The following IQCE variants were observed in gnomAD, a reference collection of about 807,000 sequenced individuals.
The protein encoded by IQCE is IQ motif containing E.
In IQCE, 115 loss-of-function variants were observed where a neutral mutation model predicts 96.0. The observed-to-expected ratio is 1.20, with a 90% CI of 1.03 to 1.40. IQCE has a LOEUF of 1.40. IQCE is among the 40% of genes most tolerant of loss of function. IQCE has a pLI of 0.00. For synonymous variants in IQCE, 412 were observed against 371.2 expected, an observed-to-expected ratio of 1.11 and a Z score of -1.26; for missense variants, 1,041 against 909.1, an observed-to-expected ratio of 1.15 and a Z score of -1.87.
intron 8 of IQCE, among the ~76,000 whole-genome samples, chr7:2,579,794 C>T (rs1225757335): frequency 2.7e-5 from 4 of 150,890 alleles, no homozygotes; most frequent in African/African-American, 9.8e-5. Context: ...CCCAGGCTGG[C>T]GTGCAGTGGC....
Position 2,568,965 on chromosome 7 carries a change from G to A in IQCE, c.96G>A (p.Arg32=). The A allele has an allele frequency of 6.2e-7, 1 of 1,613,544 alleles. No individual in the cohort carries two copies. Among genetic ancestry groups the A allele is most frequent in the South Asian group, 1.1e-5 (1 of 91,084 alleles). ...FDSDVETKAK[R]KAFHKPPPTS... ...CTTCTTTCTTTCAGAAAGCAAAAAG[G>A]AAAGCTTTCCACAAACCTCCACCCA... The change falls in exon 3 of 22, where the codon AGG becomes AGA. Residue 32 remains arginine (R), a synonymous_variant. Transcript: ENST00000402050.
intron 17 of IQCE, among the ~76,000 whole-genome samples, 192 bp from the exon 18 acceptor site, chr7:2,601,249 T>G (rs1241376113): frequency 1.3e-5 from 2 of 152,138 alleles, no homozygotes; most frequent in Non-Finnish European, 2.9e-5. Context: ...CCATCCTAAT[T>G]CTGCCTCTCA....
Position 2,572,342 on chromosome 7 carries a change from G to A in IQCE, c.394+16G>A. On this transcript the variant is annotated intron_variant, in intron 5 of 21. Transcript: ENST00000402050. ...GCCAGCAACGGTGAGCATGCCGATG[G>A]TGGCGAGGCTGAGGCCAAGGAAGAG... 1 of 1,612,576 alleles carries A rather than the reference G, an allele frequency of 6.2e-7. No homozygotes were observed. Among genetic ancestry groups the A allele is most frequent in the Non-Finnish European group, 8.5e-7 (1 of 1,179,216 alleles).
intron 20 of IQCE, 129 bp from the exon 21 acceptor site, chr7:2,606,995 G>A: frequency 8.6e-6 from 7 of 818,258 alleles, no homozygotes; most frequent in Admixed American, 6.3e-5. Context: ...CGTGGGGCTC[G>A]GGACTGGCTC....
chr7:2,575,739 T>C (rs1252126250), intron 6 of IQCE, among the ~76,000 whole-genome samples: 1 of 152,210 alleles, frequency 6.6e-6, no homozygotes, highest in Non-Finnish European at 1.5e-5. Context: ...CGTGGGTTTT[T>C]ATGGTCTGCA....
At chr7:2,596,191 G>A (rs1391296423) in intron 16 of IQCE, among the ~76,000 whole-genome samples, 1 of 152,112 alleles carries the variant, frequency 6.6e-6, no homozygotes, top group African/African-American at 2.4e-5. Flanking sequence ...CCCAGGAGGT[G>A]GAGGCTGCAG....
chr7:2,574,260 G>C (rs573920480), intron 6 of IQCE, among the ~76,000 whole-genome samples: 1 of 152,248 alleles, frequency 6.6e-6, no homozygotes, highest in Non-Finnish European at 1.5e-5. Flanking sequence ...ACTGCGTTCA[G>C]TTGGGGCACC....
Position 2,614,302 on chromosome 7 carries a change from CCTT to C in IQCE, c.*4141_*4143del, listed in dbSNP as rs1335771631. ...CCGTCTAAACGATTGCAAAATTCCTCCTTTGGTTTTGGAAGCAGCGTTTGCTCT... is the reference window on the plus strand; with the variant it reads ...CCGTCTAAACGATTGCAAAATTCCTCTGGTTTTGGAAGCAGCGTTTGCTCT... On this transcript the variant is annotated 3_prime_UTR_variant, in exon 22 of 22. Coordinates refer to ENST00000402050, the MANE Select transcript of IQCE (RefSeq NM_152558.5). The C allele has an allele frequency of 6.6e-6, 1 of 152,224 alleles. No individual in the cohort carries two copies. Among genetic ancestry groups the C allele is most frequent in the Non-Finnish European group, 1.5e-5 (1 of 68,052 alleles). The allele number at this position is 152,224 out of a possible 1,614,324, so 9.4% of individuals were successfully genotyped here.
Position 2,571,667 on chromosome 7 carries a change from C to A in IQCE, c.259+13C>A. 1.3e-6 allele frequency: 2 copies of A among 1,596,736 alleles called. No homozygotes were observed. Among genetic ancestry groups the A allele is most frequent in the South Asian group, 1.1e-5 (1 of 90,904 alleles). ...ACCGCAAAGCCAGGTATGTGGTTGT[C>A]GCACTGGAGACCCTTCCTGCTTGAG... On this transcript the variant is annotated intron_variant, in intron 4 of 21. Coordinates refer to ENST00000402050, the MANE Select transcript of IQCE (RefSeq NM_152558.5).
chr7:2,607,338 G>A, intron 21 of IQCE, 111 bp downstream of exon 21: 1 of 1,495,902 alleles, frequency 6.7e-7, no homozygotes, highest in Non-Finnish European at 8.9e-7. Flanking sequence ...GAAGGGAGGA[G>A]TGTCCCATCT....
At chr7:2,608,771 G>A (rs1431997076) in intron 21 of IQCE, among the ~76,000 whole-genome samples, 1 of 152,206 alleles carries the variant, frequency 6.6e-6, no homozygotes, top group South Asian at 2.1e-4. Flanking sequence ...GTTCATCCCC[G>A]TGACCCAGGG....
chr7:2,610,656 C>T lies in IQCE; in HGVS notation c.*494C>T, dbSNP rs1785065175. 2 of 160,826 alleles carry T rather than the reference C, an allele frequency of 1.2e-5. No homozygotes were observed. Among genetic ancestry groups the T allele is most frequent in the African/African-American group, 4.8e-5 (2 of 41,558 alleles). The allele number at this position is 160,826 out of a possible 1,614,324, so 10.0% of individuals were successfully genotyped here. The stretch of plus-strand genomic sequence containing the variant: ...TTAGGAAGGTGTGAGACCGGCTTCC[C>T]CCATCCCCACAGCAAAACACGGCCT... On this transcript the variant is annotated 3_prime_UTR_variant, in exon 22 of 22. Transcript: ENST00000402050.
rs140066878 is a variant in IQCE at position 2,596,314 on chromosome 7, GGA to G, written c.1440+1359_1440+1360del. 4.0e-3 allele frequency among the ~76,000 whole-genome samples: 587 copies of G among 147,936 alleles called. 3 individuals carry two copies. Among genetic ancestry groups the G allele is most frequent in the Middle Eastern group, 0.014 (4 of 282 alleles). ...GAAAAGAAAAAGGTCTGAAAATAGA[GGA>G]GAGAGAGAGAGAGAGAGAGAAAACA... On this transcript the variant is annotated intron_variant, in intron 16 of 21. Coordinates refer to ENST00000402050, the MANE Select transcript of IQCE (RefSeq NM_152558.5).
intron 14 of IQCE, 95 bp from the exon 15 acceptor site, chr7:2,592,927 A>C: frequency 1.5e-6 from 2 of 1,353,040 alleles, no homozygotes; most frequent in East Asian, 2.4e-5. Flanking sequence ...GTCCTAAGGA[A>C]GGGCTGAGCA....
intron 1 of IQCE, among the ~76,000 whole-genome samples, chr7:2,564,844 C>T (rs11773176): frequency 0.1 from 15,818 of 152,176 alleles, 1,086 homozygotes; most frequent in Non-Finnish European, 0.15. Context: ...TCTAACTCCT[C>T]GTTGATCTTC....
At chr7:2,563,375 T>TG (rs1554301500) in intron 1 of IQCE, among the ~76,000 whole-genome samples, 2 of 135,804 alleles carry the variant, frequency 1.5e-5, no homozygotes, top group Admixed American at 7.3e-5. Context: ...TAATTTTTTG[T>TG]TGTGTGTGTG....
intron 6 of IQCE, among the ~76,000 whole-genome samples, chr7:2,577,109 T>TC (rs1040590002): frequency 2.0e-5 from 3 of 151,896 alleles, no homozygotes; most frequent in Non-Finnish European, 4.4e-5. Context: ...CATCCAGATT[T>TC]CCCCCCACCC....
intron 11 of IQCE, 97 bp downstream of exon 11, chr7:2,584,382 C>T (rs1373528571): frequency 4.8e-5 from 53 of 1,114,966 alleles, no homozygotes; most frequent in Non-Finnish European, 7.2e-5. Context: ...GCGGCATATA[C>T]TGCCCTTAGC....
chr7:2,595,059 G>T, intron 16 of IQCE, 83 bp downstream of exon 16: 7 of 939,156 alleles, frequency 7.5e-6, no homozygotes, highest in South Asian at 1.3e-5. Flanking sequence ...CCTGTCCAGA[G>T]TTTTTTCTGA....
Sources: allele counts gnomAD v4.1 joint callset (sites outside exome capture counted in the v4.1 genomes callset), GRCh38; gene constraint gnomAD v4.1.1; transcripts MANE v1.5; gene names NCBI Gene and HGNC (gene_info 2026-07-23, HGNC 2026-07-21).